The following NKAIN3 variants were observed in gnomAD, a reference collection of about 807,000 sequenced individuals.
NKAIN3 encodes the protein sodium/potassium transporting ATPase interacting 3, also known as sodium/potassium-transporting ATPase subunit beta-1-interacting protein 3.
In NKAIN3, 25 loss-of-function variants were observed where a neutral mutation model predicts 30.2. That is an observed-to-expected ratio of 0.83 (90% CI 0.60 to 1.16). The LOEUF (loss-of-function observed/expected upper bound fraction) is 1.16, where lower values mean the gene tolerates loss of function less well. Among genes scored for constraint, NKAIN3 ranks in the 50% most tolerant of loss-of-function variants. NKAIN3 has a pLI of 0.00. For missense variants in NKAIN3, 225 were observed against 254.1 expected, an observed-to-expected ratio of 0.89 and a Z score of 0.78; for synonymous variants, 91 against 89.6, an observed-to-expected ratio of 1.02 and a Z score of -0.09.
intron 3 of NKAIN3, among the ~76,000 whole-genome samples, chr8:62,705,180 A>G (rs1814479743): frequency 6.6e-6 from 1 of 152,210 alleles, no homozygotes; most frequent in African/African-American, 2.4e-5. Flanking sequence ...TGATATGGAT[A>G]TGAATGTTCT....
At chr8:62,412,926 A>C (rs925317339) in intron 1 of NKAIN3, among the ~76,000 whole-genome samples, 16 of 133,080 alleles carry the variant, frequency 1.2e-4, no homozygotes, top group African/African-American at 3.9e-4. Flanking sequence ...AAAAAACAAA[A>C]AAAAAAAAAC....
At chr8:62,463,726 G>A (rs1210283491) in intron 1 of NKAIN3, among the ~76,000 whole-genome samples, 1 of 152,106 alleles carries the variant, frequency 6.6e-6, no homozygotes, top group African/African-American at 2.4e-5. Flanking sequence ...ACCTGAAACT[G>A]TATATAACAC....
chr8:62,395,073 G>T (rs1293132361), intron 1 of NKAIN3, among the ~76,000 whole-genome samples: 1 of 149,526 alleles, frequency 6.7e-6, no homozygotes, highest in Non-Finnish European at 1.5e-5. Flanking sequence ...GGTCGGCCAG[G>T]CAGAGGCGCT....
intron 3 of NKAIN3, among the ~76,000 whole-genome samples, chr8:62,660,754 A>G (rs530176982): frequency 0.037 from 5,685 of 152,310 alleles, 357 homozygotes; most frequent in African/African-American, 0.13. Context: ...CCAGTCCACT[A>G]AATACTAAAA....
At position 62,410,036 on chromosome 8, in the gene NKAIN3, G is replaced by T. The variant is rs1332248316; in HGVS notation, c.54+160909G>T. Among the ~76,000 whole-genome samples the T allele has an allele frequency of 3.9e-5, 6 of 152,148 alleles. No homozygotes were observed. In the East Asian group the frequency reaches 7.7e-4, roughly 20 times the overall value. On this transcript the variant is annotated intron_variant, in intron 1 of 6. Coordinates refer to ENST00000623646, the MANE Select transcript of NKAIN3 (RefSeq NM_001304533.3). The stretch of plus-strand genomic sequence containing the variant: ...GAGCACATGTTCAGGTTTGTTACAT[G>T]GGTACATTGCACTCAGGTAGTGAGC...
chr8:62,714,099 C>A (rs1814814238), intron 3 of NKAIN3, among the ~76,000 whole-genome samples: 1 of 151,976 alleles, frequency 6.6e-6, no homozygotes, highest in Admixed American at 6.5e-5. Flanking sequence ...TTTTTCATTT[C>A]AGAAATAAAT....
chr8:62,737,723 A>C (rs1013013301), intron 3 of NKAIN3, among the ~76,000 whole-genome samples: 1 of 152,152 alleles, frequency 6.6e-6, no homozygotes, highest in African/African-American at 2.4e-5. Context: ...TTATTTTTTT[A>C]GTCAGAATTG....
intron 3 of NKAIN3, among the ~76,000 whole-genome samples, chr8:62,628,456 C>T (rs1751268646): frequency 6.6e-6 from 1 of 151,990 alleles, no homozygotes; most frequent in Admixed American, 6.6e-5. Context: ...ACGAATGATC[C>T]CATTATCTAA....
chr8:62,731,270 CA>C (rs1225405019), intron 3 of NKAIN3, among the ~76,000 whole-genome samples: 273 of 151,180 alleles, frequency 1.8e-3, no homozygotes, highest in East Asian at 2.9e-3. Flanking sequence ...CACACACACA[CA>C]CACCCTTCCT....
chr8:62,521,665 C>T (rs1034871489), intron 1 of NKAIN3, among the ~76,000 whole-genome samples: 4 of 152,126 alleles, frequency 2.6e-5, no homozygotes, highest in African/African-American at 9.7e-5. Context: ...AAAAGAGCAT[C>T]TTGGATCTGG....
At chr8:62,918,186 G>A (rs1822165585) in intron 4 of NKAIN3, among the ~76,000 whole-genome samples, 1 of 152,140 alleles carries the variant, frequency 6.6e-6, no homozygotes, top group South Asian at 2.1e-4. Context: ...ATAAAATACA[G>A]GAACTGTAAG....
intron 3 of NKAIN3, among the ~76,000 whole-genome samples, chr8:62,712,528 C>T (rs1429152969): frequency 6.6e-6 from 1 of 152,072 alleles, no homozygotes; most frequent in Non-Finnish European, 1.5e-5. Flanking sequence ...GGAAAGCCAG[C>T]AATCACAGGC....
intron 3 of NKAIN3, among the ~76,000 whole-genome samples, chr8:62,655,605 A>C (rs1351139564): frequency 6.6e-6 from 1 of 152,170 alleles, no homozygotes; most frequent in Non-Finnish European, 1.5e-5. Context: ...AATAACTTCC[A>C]AATTTCTAAT....
intron 1 of NKAIN3, among the ~76,000 whole-genome samples, chr8:62,467,389 G>A (rs1022372971): frequency 1.3e-5 from 2 of 152,048 alleles, no homozygotes; most frequent in African/African-American, 4.8e-5. Context: ...GAAAACAAAG[G>A]TACAACACCT....
chr8:62,632,961 C>T (rs922757768), intron 3 of NKAIN3, among the ~76,000 whole-genome samples: 1 of 152,054 alleles, frequency 6.6e-6, no homozygotes, highest in Non-Finnish European at 1.5e-5. Flanking sequence ...AATGCTTGCC[C>T]TGGGAATGGA....
intron 4 of NKAIN3, among the ~76,000 whole-genome samples, chr8:62,838,916 C>A (rs918846801): frequency 6.6e-6 from 1 of 152,018 alleles, no homozygotes; most frequent in African/African-American, 2.4e-5. Context: ...TTGGATAACT[C>A]GGGTAGAAAT....
intron 4 of NKAIN3, among the ~76,000 whole-genome samples, chr8:62,883,861 T>C (rs1443846823): frequency 6.6e-6 from 1 of 152,204 alleles, no homozygotes; most frequent in African/African-American, 2.4e-5. Flanking sequence ...TTTTTTCTAA[T>C]ACTTGTATTC....
intron 3 of NKAIN3, among the ~76,000 whole-genome samples, chr8:62,720,388 G>T (rs186814067): frequency 6.6e-6 from 1 of 152,228 alleles, no homozygotes; most frequent in East Asian, 1.9e-4. Flanking sequence ...GAATTTCAGA[G>T]CAGAATTCAT....
At chr8:62,848,872 A>C (rs1193349600) in intron 4 of NKAIN3, among the ~76,000 whole-genome samples, 1 of 152,162 alleles carries the variant, frequency 6.6e-6, no homozygotes, top group Admixed American at 6.6e-5. Flanking sequence ...TTCAATATGA[A>C]GGGATGTTAA....
Sources: allele counts gnomAD v4.1 joint callset (sites outside exome capture counted in the v4.1 genomes callset), GRCh38; gene constraint gnomAD v4.1.1; transcripts MANE v1.5; gene names NCBI Gene and HGNC (gene_info 2026-07-23, HGNC 2026-07-21).